PREP: variants seen among roughly 807,000 people sequenced by gnomAD.
The protein encoded by PREP is prolyl endopeptidase, also known as dJ355L5.1 (prolyl endopeptidase).
PREP carries 29 observed loss-of-function variants against 87.6 expected under a neutral mutation model. The observed-to-expected ratio is 0.33, with a 90% CI of 0.25 to 0.45. The LOEUF is 0.45. Among genes scored for constraint, PREP ranks in the 20% least tolerant of loss-of-function variants. The pLI is 1.00. For missense variants in PREP, 695 were observed against 886.5 expected (o/e 0.78, Z 2.74); for synonymous variants, 337 against 328.6 (o/e 1.03, Z -0.28).
intron 14 of PREP, 175 bp downstream of exon 14, chr6:105,281,571 G>C: frequency 1.3e-6 from 1 of 771,804 alleles, no homozygotes; most frequent in Non-Finnish European, 1.9e-6. Flanking sequence ...TGTTGCTTTT[G>C]TTCAAGACCA....
intron 10 of PREP, among the ~76,000 whole-genome samples, chr6:105,291,127 A>G (rs978034136): frequency 2.6e-5 from 4 of 152,200 alleles, no homozygotes; most frequent in Non-Finnish European, 2.9e-5. Context: ...TATTGCTAAA[A>G]AAAACACTAA....
intron 9 of PREP, among the ~76,000 whole-genome samples, chr6:105,324,054 C>T (rs544616279): frequency 6.6e-6 from 1 of 152,294 alleles, no homozygotes; most frequent in South Asian, 2.1e-4. Flanking sequence ...CTAATGCATT[C>T]TGTGAATATG....
At chr6:105,322,197 T>A (rs1465564487) in intron 10 of PREP, 6 of 730,054 alleles carry the variant, frequency 8.2e-6, no homozygotes, top group Non-Finnish European at 1.7e-6. Flanking sequence ...TACAGGCCCC[T>A]ACAGGATCTC....
Position 105,274,781 on chromosome 6 carries a change from C to T in PREP, c.*3363G>A, listed in dbSNP as rs1460317247. 6.6e-6 allele frequency among the ~76,000 whole-genome samples: 1 copy of T among 152,140 alleles called. No homozygotes were observed. Among genetic ancestry groups the T allele is most frequent in the Non-Finnish European group, 1.5e-5 (1 of 68,026 alleles). On this transcript the variant is annotated 3_prime_UTR_variant, in exon 15 of 15. Coordinates refer to ENST00000652536, the MANE Select transcript of PREP (RefSeq NM_002726.5). The stretch of plus-strand genomic sequence containing the variant: ...AAAACTCCATCCCAAAAAAAGAGTG[C>T]AGTATCCAAGGCCCAGCTCCTGGGG...
At chr6:105,373,309 G>T in intron 5 of PREP, 60 bp downstream of exon 5, 1 of 1,526,646 alleles carries the variant, frequency 6.6e-7, no homozygotes, top group Non-Finnish European at 9.1e-7. Context: ...TCTCTTTTCA[G>T]TCACTTGAAG....
chr6:105,330,753 C>T (rs1771307724), intron 8 of PREP, among the ~76,000 whole-genome samples: 1 of 152,096 alleles, frequency 6.6e-6, no homozygotes, highest in Admixed American at 6.6e-5. Flanking sequence ...TAGAATTTAC[C>T]CACATGAAAA....
intron 12 of PREP, among the ~76,000 whole-genome samples, chr6:105,283,128 C>T (rs552160499): frequency 4.6e-5 from 7 of 152,190 alleles, no homozygotes; most frequent in African/African-American, 1.7e-4. Flanking sequence ...GAAAGAAATT[C>T]CCCAGTCTTG....
chr6:105,358,667 A>C (rs1239548397), intron 6 of PREP, among the ~76,000 whole-genome samples: 1 of 151,992 alleles, frequency 6.6e-6, no homozygotes, highest in Non-Finnish European at 1.5e-5. Flanking sequence ...AGGTGGGAGG[A>C]GCACTCACCT....
intron 11 of PREP, 38 bp from the exon 12 acceptor site, chr6:105,285,618 G>T (rs1383397677): frequency 6.5e-7 from 1 of 1,530,188 alleles, no homozygotes; most frequent in Non-Finnish European, 9.1e-7. Flanking sequence ...TCCATTAACT[G>T]CCTAGTGAAG....
At chr6:105,388,311 T>G (rs996551641) in intron 2 of PREP, among the ~76,000 whole-genome samples, 1 of 152,218 alleles carries the variant, frequency 6.6e-6, no homozygotes, top group African/African-American at 2.4e-5. Context: ...AGTGAAGCCA[T>G]AGCAATGCTG....
At chr6:105,394,079 T>C (rs1340366883) in intron 2 of PREP, among the ~76,000 whole-genome samples, 1 of 152,174 alleles carries the variant, frequency 6.6e-6, no homozygotes, top group Non-Finnish European at 1.5e-5. Flanking sequence ...ACTTTTCTTG[T>C]AAATATAGTT....
intron 14 of PREP, among the ~76,000 whole-genome samples, chr6:105,279,722 G>A (rs1007311515): frequency 1.3e-5 from 2 of 152,166 alleles, no homozygotes; most frequent in Admixed American, 6.5e-5. Context: ...TTTACCAGCC[G>A]CAGGTGAAAT....
At chr6:105,313,050 T>C (rs1149319) in intron 10 of PREP, among the ~76,000 whole-genome samples, 10,265 of 152,248 alleles carry the variant, frequency 0.067, 1,155 homozygotes, top group African/African-American at 0.23. Flanking sequence ...TTTCTGTCTA[T>C]ATCTTACATT....
intron 2 of PREP, among the ~76,000 whole-genome samples, chr6:105,389,817 C>T (rs568748302): frequency 2.6e-5 from 4 of 152,126 alleles, no homozygotes; most frequent in Non-Finnish European, 4.4e-5. Flanking sequence ...AGACCGACAC[C>T]GAAATTGACA....
rs1770238902 is a variant in PREP at position 105,288,703 on chromosome 6, T to C, written c.1454+55A>G. The C allele has an allele frequency of 8.8e-6, 14 of 1,598,386 alleles. No individual in the cohort carries two copies. In the South Asian group the frequency reaches 1.6e-4, roughly 18 times the overall value. ...GATTTAGTAGAGCACTCTGGTTTGT[T>C]TCCACTATATGGAAAAGATAAAATA... On this transcript the variant is annotated intron_variant, in intron 11 of 14. Transcript: ENST00000652536.
At chr6:105,288,723 A>C (rs1408694469) in intron 11 of PREP, 35 bp downstream of exon 11, 2 of 1,610,008 alleles carry the variant, frequency 1.2e-6, no homozygotes, top group African/African-American at 1.3e-5. Flanking sequence ...TGGAAAAGAT[A>C]AAATACTGGC....
intron 10 of PREP, among the ~76,000 whole-genome samples, chr6:105,312,620 A>G (rs1770780215): frequency 6.6e-6 from 1 of 152,228 alleles, no homozygotes; most frequent in Non-Finnish European, 1.5e-5. Context: ...TTTATGTACG[A>G]AGAACATGAG....
intron 7 of PREP, among the ~76,000 whole-genome samples, chr6:105,350,950 A>T (rs982777703): frequency 6.6e-6 from 1 of 152,162 alleles, no homozygotes; most frequent in Non-Finnish European, 1.5e-5. Context: ...ATCCTATGTT[A>T]TTCTCTTCAT....
At chr6:105,334,536 C>G (rs574123161) in intron 7 of PREP, among the ~76,000 whole-genome samples, 1 of 152,042 alleles carries the variant, frequency 6.6e-6, no homozygotes, top group African/African-American at 2.4e-5. Flanking sequence ...CTGGCCAACA[C>G]GGTGAAACCC....
Sources: gnomAD v4.1 joint callset for allele counts (sites outside exome capture counted in the v4.1 genomes callset) on GRCh38, gnomAD v4.1.1 for gene constraint, MANE v1.5 for transcripts, NCBI Gene and HGNC (gene_info 2026-07-23, HGNC 2026-07-21) for gene names.